MBNL3: variants seen among roughly 807,000 people sequenced by gnomAD.
MBNL3 encodes muscleblind like splicing regulator 3.
Under a neutral mutation model 24.5 loss-of-function variants are expected in MBNL3, and 6 were observed. The ratio of observed to expected loss-of-function variants is 0.25; its 90% CI spans 0.13 to 0.48. The LOEUF (loss-of-function observed/expected upper bound fraction) is 0.48, where lower values mean the gene tolerates loss of function less well. MBNL3 is among the 20% of genes least tolerant of loss of function. MBNL3 has a pLI of 0.99. For missense variants in MBNL3, 230 were observed against 293.5 expected, an observed-to-expected ratio of 0.78 and a Z score of 1.58; for synonymous variants, 100 against 101.7, an observed-to-expected ratio of 0.98 and a Z score of 0.10.
At chrX:132,393,907 T>C (rs1937572743) in intron 3 of MBNL3, among the ~76,000 whole-genome samples, 1 of 111,641 alleles carries the variant, frequency 9.0e-6, no homozygotes, top group Non-Finnish European at 1.9e-5. Flanking sequence ...GTATACTCAT[T>C]GCCTCACCCC....
intron 1 of MBNL3, among the ~76,000 whole-genome samples, chrX:132,479,281 T>C (rs1274765616): frequency 8.9e-6 from 1 of 111,902 alleles, no homozygotes; most frequent in East Asian, 2.8e-4. Flanking sequence ...AACCCATACA[T>C]ACATACATAC....
chrX:132,388,229 C>A (rs944137399), intron 5 of MBNL3, among the ~76,000 whole-genome samples: 1 of 111,839 alleles, frequency 8.9e-6, no homozygotes, highest in Admixed American at 9.5e-5. Flanking sequence ...GAAAAGCATG[C>A]TAGAAGAGTG....
intron 1 of MBNL3, among the ~76,000 whole-genome samples, chrX:132,486,614 T>C (rs1189447689): frequency 2.7e-5 from 3 of 112,336 alleles, no homozygotes; most frequent in Non-Finnish European, 5.6e-5. Context: ...TGTGAGTGCA[T>C]AAAAATGCCT....
At position 132,439,893 on chromosome X, in the gene MBNL3, G is replaced by A. The variant is rs1191667868; in HGVS notation, c.-282C>T. ...GAATGCTTTATTTTGTTCCTTTGCC[G>A]AATTTATGTTAAATAACCGGCAGAC... is the stretch of plus-strand genomic sequence containing the variant. On this transcript the variant is annotated 5_prime_UTR_variant, in exon 2 of 9. Transcript: ENST00000370853. 1.8e-5 allele frequency among the ~76,000 whole-genome samples: 2 copies of A among 111,375 alleles called. No homozygotes were observed. The highest frequency in any genetic ancestry group is 6.5e-5 in the African/African-American group (2 of 30,614).
intron 2 of MBNL3, among the ~76,000 whole-genome samples, chrX:132,422,984 G>A (rs1459050858): frequency 1.8e-5 from 2 of 111,676 alleles, no homozygotes; most frequent in East Asian, 5.6e-4. Flanking sequence ...TGTCCTATCC[G>A]ACAATGGATT....
At chrX:132,393,629 T>A (rs1467021691) in intron 3 of MBNL3, among the ~76,000 whole-genome samples, 2 of 111,540 alleles carry the variant, frequency 1.8e-5, no homozygotes, top group Admixed American at 1.9e-4. Flanking sequence ...TACTCAATGA[T>A]ACATTTTAAA....
At chrX:132,407,672 C>T (rs771570762) in intron 2 of MBNL3, among the ~76,000 whole-genome samples, 3 of 111,708 alleles carry the variant, frequency 2.7e-5, no homozygotes, top group African/African-American at 9.8e-5. Flanking sequence ...TGCTAAATCA[C>T]AATAATTGGG....
At chrX:132,459,509 C>T (rs1946530957) in intron 1 of MBNL3, among the ~76,000 whole-genome samples, 2 of 111,933 alleles carry the variant, frequency 1.8e-5, no homozygotes, top group African/African-American at 6.5e-5. Flanking sequence ...TAAAAGGGAT[C>T]AATGGGTACT....
chrX:132,394,068 G>T (rs775637264), intron 3 of MBNL3, among the ~76,000 whole-genome samples: 1 of 111,466 alleles, frequency 9.0e-6, no homozygotes, highest in South Asian at 3.8e-4. Context: ...AGGGCAGAAA[G>T]AATCTGGCAC....
Position 132,384,709 on chromosome X carries a change from C to T in MBNL3, c.923-11G>A, listed in dbSNP as rs3736748. The T allele has an allele frequency of 0.3, 338,737 of 1,144,957 alleles. 41,140 individuals carry two copies. The highest frequency in any genetic ancestry group is 0.76 in the African/African-American group (41,417 of 54,755). The allele number at this position is 1,144,957 out of a possible 1,213,427, so 94.4% of individuals were successfully genotyped here. On this transcript the variant is annotated splice_polypyrimidine_tract_variant and intron_variant, in intron 6 of 8. Transcript: ENST00000370853. ...TGCACAGTATTGGCCCTGTACACCA[C>T]GCAGAAAAGCGTGGAAAGTAAAAGA... is the stretch of plus-strand genomic sequence containing the variant.
chrX:132,463,673 G>A (rs935700263), intron 1 of MBNL3, among the ~76,000 whole-genome samples: 13 of 110,866 alleles, frequency 1.2e-4, no homozygotes, highest in African/African-American at 3.9e-4. Context: ...AAGGAGTTTC[G>A]CACACAATTT....
chrX:132,430,170 A>G (rs1467205005), intron 2 of MBNL3: 1 of 111,018 alleles, frequency 9.0e-6, no homozygotes, highest in Admixed American at 9.6e-5. Context: ...ATACCCCACA[A>G]TATTTCTGAG....
At chrX:132,476,544 C>T (rs909142210) in intron 1 of MBNL3, among the ~76,000 whole-genome samples, 1 of 112,137 alleles carries the variant, frequency 8.9e-6, no homozygotes, top group Non-Finnish European at 1.9e-5. Flanking sequence ...CCTTGACAGT[C>T]TCATTGCCTA....
At chrX:132,459,211 G>A (rs1326121835) in intron 1 of MBNL3, among the ~76,000 whole-genome samples, 1 of 107,305 alleles carries the variant, frequency 9.3e-6, no homozygotes, top group Admixed American at 1.0e-4. Flanking sequence ...AGTTGTGTAA[G>A]AGTCTCCATA....
intron 5 of MBNL3, among the ~76,000 whole-genome samples, chrX:132,388,426 T>A (rs1348964920): frequency 8.9e-6 from 1 of 112,391 alleles, no homozygotes; most frequent in African/African-American, 3.2e-5. Flanking sequence ...GACCTACTTA[T>A]CTGGTTGTTA....
intron 6 of MBNL3, 25 bp from the exon 7 acceptor site, chrX:132,384,723 G>C (rs200773196): frequency 9.0e-7 from 1 of 1,105,363 alleles, no homozygotes; most frequent in African/African-American, 1.9e-5. Context: ...GAAAAGCGTG[G>C]AAAGTAAAAG....
intron 1 of MBNL3, among the ~76,000 whole-genome samples, chrX:132,449,877 G>C (rs1945971274): frequency 9.4e-6 from 1 of 106,623 alleles, no homozygotes; most frequent in African/African-American, 3.4e-5. Context: ...GCATTTGCTT[G>C]TCTGTAAAGG....
intron 3 of MBNL3, among the ~76,000 whole-genome samples, chrX:132,398,132 T>C (rs996680193): frequency 1.8e-5 from 2 of 111,568 alleles, no homozygotes; most frequent in African/African-American, 6.5e-5. Context: ...AGAGGAACCA[T>C]TGAAGGCAGG....
At chrX:132,401,757 C>T (rs1477728732) in intron 3 of MBNL3, among the ~76,000 whole-genome samples, 2 of 110,674 alleles carry the variant, frequency 1.8e-5, no homozygotes, top group Non-Finnish European at 3.8e-5. Flanking sequence ...AAAAAAACAA[C>T]ATTAAAAACA....
Sources: gnomAD v4.1 joint callset for allele counts (sites outside exome capture counted in the v4.1 genomes callset) on GRCh38, gnomAD v4.1.1 for gene constraint, MANE v1.5 for transcripts, NCBI Gene and HGNC (gene_info 2026-07-23, HGNC 2026-07-21) for gene names.